The following LIPA variants were observed in gnomAD, a reference collection of about 807,000 sequenced individuals.
The protein encoded by LIPA is lysosomal acid lipase/cholesteryl ester hydrolase.
In LIPA, 26 loss-of-function variants were observed where a neutral mutation model predicts 40.6. The ratio of observed to expected loss-of-function variants is 0.64; its 90% CI spans 0.47 to 0.89. The LOEUF (loss-of-function observed/expected upper bound fraction) is 0.89. Among genes scored for constraint, LIPA ranks in the 40% least tolerant of loss-of-function variants. LIPA has a pLI of 0.00. For synonymous variants in LIPA, 188 were observed against 168.4 expected (o/e 1.12, Z -0.90); for missense variants, 455 against 479.6 (o/e 0.95, Z 0.48).
intron 1 of LIPA, among the ~76,000 whole-genome samples, chr10:89,261,836 C>G (rs923638934): frequency 6.6e-6 from 1 of 152,206 alleles, no homozygotes; most frequent in African/African-American, 2.4e-5. Flanking sequence ...CTCTCTATTG[C>G]TGCCCTGCAA....
chr10:89,304,766 GTTGTT>G (rs375901105), intron 1 of LIPA, among the ~76,000 whole-genome samples: 21 of 151,760 alleles, frequency 1.4e-4, no homozygotes, highest in Admixed American at 1.0e-3. Flanking sequence ...TTTTTTTGTT[GTTGTT>G]TTGTTTTGTT....
upstream of LIPA, among the ~76,000 whole-genome samples, chr10:89,344,624 A>T (rs2133582504): frequency 6.6e-6 from 1 of 152,258 alleles, no homozygotes; most frequent in East Asian, 1.9e-4. Flanking sequence ...AAAAAAAAAA[A>T]AAACCTCAAG....
intron 2 of LIPA, among the ~76,000 whole-genome samples, chr10:89,370,212 CT>C (rs1844084157): frequency 6.6e-6 from 1 of 151,574 alleles, no homozygotes; most frequent in Non-Finnish European, 1.5e-5. Flanking sequence ...AGAATGTTTT[CT>C]TTTTTTGTTT....
intron 1 of LIPA, among the ~76,000 whole-genome samples, chr10:89,305,737 C>A (rs938804551): frequency 3.3e-5 from 5 of 152,098 alleles, no homozygotes; most frequent in African/African-American, 1.2e-4. Flanking sequence ...AGAGAACAAC[C>A]CACTGCCCTC....
chr10:89,298,850 G>C (rs1287899836), intron 1 of LIPA, among the ~76,000 whole-genome samples: 2 of 151,984 alleles, frequency 1.3e-5, no homozygotes, highest in African/African-American at 4.8e-5. Flanking sequence ...GCCAGGCACG[G>C]TGGTACATGC....
Position 89,214,590 on chromosome 10 carries a change from G to A in LIPA, c.*238C>T. On this transcript the variant is annotated 3_prime_UTR_variant, in exon 10 of 10. Transcript: ENST00000336233. ...ATCAGTGATATTTAAAAGACTTAAA[G>A]AGACAATACTATGGTTGAGACACTG... 4.2e-6 allele frequency: 2 copies of A among 471,058 alleles called. No individual in the cohort carries two copies. The highest frequency in any genetic ancestry group is 4.8e-5 in the South Asian group (2 of 41,294). 29.2% of individuals were successfully genotyped at this position (471,058 alleles called of 1,614,324 possible). A position where few individuals can be genotyped will look rare whatever the true frequency, so the allele number is the denominator to read the frequency against.
At chr10:89,332,607 C>T in intron 1 of LIPA, 1 of 1,614,060 alleles carries the variant, frequency 6.2e-7, no homozygotes. Context: ...TTCAGAACTG[C>T]AGGGAAACAG....
At chr10:89,309,668 G>A (rs1011422378) in intron 1 of LIPA, among the ~76,000 whole-genome samples, 1 of 152,158 alleles carries the variant, frequency 6.6e-6, no homozygotes, top group South Asian at 2.1e-4. Flanking sequence ...TGCTGGAACA[G>A]GACCCTTAGT....
intron 3 of LIPA, among the ~76,000 whole-genome samples, chr10:89,239,418 TGA>T (rs1461461880): frequency 6.6e-6 from 1 of 152,230 alleles, no homozygotes; most frequent in Non-Finnish European, 1.5e-5. Context: ...TAGAATTGTA[TGA>T]GAGTTCACCT....
At chr10:89,371,044 T>A (rs558687304) in intron 2 of LIPA, among the ~76,000 whole-genome samples, 71 of 152,114 alleles carry the variant, frequency 4.7e-4, no homozygotes, top group African/African-American at 1.6e-3. Flanking sequence ...AAACAAAAAA[T>A]TTTCTCCAAG....
chr10:89,310,610 G>C (rs1240509798), intron 1 of LIPA, among the ~76,000 whole-genome samples: 1 of 152,204 alleles, frequency 6.6e-6, no homozygotes, highest in East Asian at 1.9e-4. Context: ...AGGCTGCAAA[G>C]AGGGAAACCC....
intron 2 of LIPA, among the ~76,000 whole-genome samples, chr10:89,381,937 T>G (rs1844166536): frequency 6.6e-6 from 1 of 151,834 alleles, no homozygotes. Flanking sequence ...GCTGGCTAAT[T>G]TTTTGTATTT....
At chr10:89,343,334 T>G (rs1843888268), upstream of LIPA, among the ~76,000 whole-genome samples, 1 of 152,232 alleles carries the variant, frequency 6.6e-6, no homozygotes, top group Admixed American at 6.5e-5. Flanking sequence ...TTGGACTCTC[T>G]GTGTAGCATT....
At chr10:89,377,773 C>T (rs1047335989) in intron 2 of LIPA, among the ~76,000 whole-genome samples, 38 of 152,300 alleles carry the variant, frequency 2.5e-4, no homozygotes, top group Middle Eastern at 3.4e-3. Flanking sequence ...ACGTTCCTGT[C>T]TGCCACTGGT....
At chr10:89,347,873 A>G (rs908858428) in intron 2 of LIPA, among the ~76,000 whole-genome samples, 1 of 152,188 alleles carries the variant, frequency 6.6e-6, no homozygotes, top group African/African-American at 2.4e-5. Flanking sequence ...ACAAAGCACA[A>G]TCCCAGAGGA....
chr10:89,245,390 T>C (rs1843010813), intron 3 of LIPA, among the ~76,000 whole-genome samples: 2 of 152,204 alleles, frequency 1.3e-5, no homozygotes, highest in Admixed American at 1.3e-4. Flanking sequence ...AAGCCATCTA[T>C]TTAATGCTCA....
intron 9 of LIPA, 59 bp downstream of exon 9, chr10:89,215,879 G>C: frequency 9.2e-7 from 1 of 1,088,312 alleles, no homozygotes; most frequent in African/African-American, 1.5e-5. Context: ...TGATAGGCCA[G>C]GCTGGCTTTC....
rs768380059 is a variant in LIPA, at chr10:89,227,059, C to T, written c.429-55G>A. ...GAAATAGTACATAAAATAGAGCACA[C>T]ACATACTGAGTATGCAGTTTGATGA... On this transcript the variant is annotated intron_variant, in intron 4 of 9. Coordinates refer to ENST00000336233, the MANE Select transcript of LIPA (RefSeq NM_000235.4). 32 of 1,068,444 alleles carry T rather than the reference C, an allele frequency of 3.0e-5. No homozygotes were observed. In the Middle Eastern group the frequency reaches 1.2e-3, roughly 40 times the overall value. 66.2% of individuals were successfully genotyped at this position (1,068,444 alleles called of 1,614,324 possible).
chr10:89,307,385 A>G (rs750643219), intron 1 of LIPA: 3 of 1,581,136 alleles, frequency 1.9e-6, no homozygotes, highest in Admixed American at 1.8e-5. Flanking sequence ...AAGAATAGAG[A>G]TGTGGTGCCC....
Sources: gnomAD v4.1 joint callset for allele counts (sites outside exome capture counted in the v4.1 genomes callset) on GRCh38, gnomAD v4.1.1 for gene constraint, MANE v1.5 for transcripts, NCBI Gene and HGNC (gene_info 2026-07-23, HGNC 2026-07-21) for gene names.